The following PRKN variants were observed in gnomAD, a reference collection of about 807,000 sequenced individuals.
The protein encoded by PRKN is parkin RBR E3 ubiquitin protein ligase.
A neutral mutation model predicts 59.5 loss-of-function variants in PRKN; 56 were observed. That is an observed-to-expected ratio of 0.94 (90% CI 0.76 to 1.18). The LOEUF (loss-of-function observed/expected upper bound fraction) is 1.18. Ranked by LOEUF, PRKN falls within the 50% of genes most tolerant of loss-of-function variation. The pLI is 0.00. For synonymous variants in PRKN, 250 were observed against 222.1 expected, an observed-to-expected ratio of 1.13 and a Z score of -1.12; for missense variants, 657 against 596.4, an observed-to-expected ratio of 1.10 and a Z score of -1.06.
At chr6:161,672,630 G>T (rs1784950963) in intron 7 of PRKN, among the ~76,000 whole-genome samples, 1 of 152,066 alleles carries the variant, frequency 6.6e-6, no homozygotes, top group African/African-American at 2.4e-5. Flanking sequence ...ACAAAAATTA[G>T]CTGGGTGTGG....
At chr6:162,650,833 T>C (rs1291112702) in intron 1 of PRKN, among the ~76,000 whole-genome samples, 2 of 152,074 alleles carry the variant, frequency 1.3e-5, no homozygotes, top group Non-Finnish European at 2.9e-5. Flanking sequence ...GTGAAGATGA[T>C]CTATTAATTC....
At chr6:161,955,391 T>C (rs578093932) in intron 6 of PRKN, among the ~76,000 whole-genome samples, 16 of 152,190 alleles carry the variant, frequency 1.1e-4, no homozygotes, top group Non-Finnish European at 2.4e-4. Context: ...GATTCTTGCC[T>C]CATGTCATAT....
At chr6:161,528,897 A>G (rs942341471) in intron 9 of PRKN, among the ~76,000 whole-genome samples, 1 of 152,196 alleles carries the variant, frequency 6.6e-6, no homozygotes, top group African/African-American at 2.4e-5. Flanking sequence ...CCAAATAAAT[A>G]AGGCCTTCTC....
chr6:162,253,811 G>A (rs1779533337), intron 3 of PRKN, among the ~76,000 whole-genome samples: 1 of 140,626 alleles, frequency 7.1e-6, no homozygotes, highest in African/African-American at 2.8e-5. Flanking sequence ...CAAAGAGTCT[G>A]GCTGGCTATT....
chr6:162,426,567 C>A (rs1789247630), intron 2 of PRKN, among the ~76,000 whole-genome samples: 1 of 152,208 alleles, frequency 6.6e-6, no homozygotes, highest in African/African-American at 2.4e-5. Context: ...CCTCCCACCT[C>A]ATCCCCAAGT....
intron 5 of PRKN, among the ~76,000 whole-genome samples, chr6:161,998,585 T>C (rs1415340792): frequency 6.6e-6 from 1 of 152,140 alleles, no homozygotes; most frequent in Non-Finnish European, 1.5e-5. Context: ...TCTACTCTGG[T>C]AGCAGGTAGC....
chr6:162,322,535 G>A (rs1783075317), intron 2 of PRKN, among the ~76,000 whole-genome samples: 1 of 151,992 alleles, frequency 6.6e-6, no homozygotes, highest in South Asian at 2.1e-4. Context: ...CTGACTTCGG[G>A]TCTCATTGTA....
At chr6:161,688,629 C>T (rs142827754) in intron 7 of PRKN, among the ~76,000 whole-genome samples, 138 of 152,160 alleles carry the variant, frequency 9.1e-4, no homozygotes, top group African/African-American at 3.2e-3. Context: ...AGTATAGCGG[C>T]GCAAATACAA....
At chr6:161,650,968 T>C (rs1784129623) in intron 7 of PRKN, among the ~76,000 whole-genome samples, 4 of 152,246 alleles carry the variant, frequency 2.6e-5, no homozygotes, top group Admixed American at 1.3e-4. Context: ...TGTTACATAA[T>C]ACGTTTATTA....
rs531197270 is a variant in PRKN at position 161,638,369 on chromosome 6, A to T, written c.872-68953T>A. ...AGGGTAGTCTCGAACTCCTCAGCTC[A>T]GGCAATCTTCCTGCCTCGGCGTCCC... On this transcript the variant is annotated intron_variant, in intron 7 of 11. Transcript: ENST00000366898. Among the ~76,000 whole-genome samples, 3 of 152,300 alleles carry T rather than the reference A, an allele frequency of 2.0e-5. No homozygotes were observed. In the South Asian group the frequency reaches 6.2e-4, roughly 32 times the overall value.
At position 161,562,688 on chromosome 6, in the gene PRKN, C is replaced by T. The variant is rs1430568798; in HGVS notation, c.933+6667G>A. Among the ~76,000 whole-genome samples the T allele has an allele frequency of 6.6e-6, 1 of 152,140 alleles. No homozygotes were observed. The highest frequency in any genetic ancestry group is 2.4e-5 in the African/African-American group (1 of 41,448). On this transcript the variant is annotated intron_variant, in intron 8 of 11. Transcript: ENST00000366898. The surrounding 1 kb of genome is among the most constrained non-coding windows in gnomAD (Gnocchi z 4.3). ...CTCTGATCTCACCTGCCCCATTTTG[C>T]TCATCTCAGTCAAATAGAACTTTCA...
At chr6:162,645,232 T>C (rs1288429050) in intron 1 of PRKN, among the ~76,000 whole-genome samples, 1 of 152,162 alleles carries the variant, frequency 6.6e-6, no homozygotes, top group African/African-American at 2.4e-5. Flanking sequence ...CATGATTCTT[T>C]ACAGGAAATT....
At chr6:162,349,998 A>G (rs1334618489) in intron 2 of PRKN, among the ~76,000 whole-genome samples, 1 of 152,218 alleles carries the variant, frequency 6.6e-6, no homozygotes, top group Non-Finnish European at 1.5e-5. Context: ...GAGTTTAGCC[A>G]AGTTGGAAGA....
chr6:162,622,345 G>A (rs1181006456), intron 1 of PRKN, among the ~76,000 whole-genome samples: 1 of 148,910 alleles, frequency 6.7e-6, no homozygotes, highest in Admixed American at 6.8e-5. Context: ...CTGCTCCCCA[G>A]GCGAATTTTT....
rs74820509 is a variant in PRKN at position 161,639,953 on chromosome 6, A to C, written c.872-70537T>G. Among the ~76,000 whole-genome samples, 1,316 of 152,236 alleles carry C rather than the reference A, an allele frequency of 8.6e-3. 9 individuals are homozygous for C. Among genetic ancestry groups the C allele is most frequent in the Middle Eastern group, 0.034 (10 of 294 alleles). ...TGCTTCTAGTAAAATTCTTTCCCAG[A>C]TGACTAGGGGCTCCAGAGAGATTTC... On this transcript the variant is annotated intron_variant, in intron 7 of 11. Coordinates refer to ENST00000366898, the MANE Select transcript of PRKN (RefSeq NM_004562.3).
In PRKN at chr6:161,533,997, C is replaced by G. The variant is rs1554272977; in HGVS notation, c.1083+14857G>C. On this transcript the variant is annotated intron_variant, in intron 9 of 11. Transcript: ENST00000366898. This position sits in a 1 kb window ranked among gnomAD's most constrained non-coding sequence, Gnocchi z 4.1. ...TCAGTGAACCCCCTTTCCACCTGTC[C>G]TCCTCGCCCTCACACTAGATTACTT... is the stretch of plus-strand genomic sequence containing the variant. Among the ~76,000 whole-genome samples, 1 of 152,046 alleles carries G rather than the reference C, an allele frequency of 6.6e-6. No individual in the cohort carries two copies. The highest frequency in any genetic ancestry group is 1.5e-5 in the Non-Finnish European group (1 of 68,004).
chr6:162,391,358 G>A (rs1385206180), intron 2 of PRKN, among the ~76,000 whole-genome samples: 1 of 151,050 alleles, frequency 6.6e-6, no homozygotes, highest in African/African-American at 2.4e-5. Context: ...ACTTCCTCCT[G>A]GAAGATAATT....
At chr6:162,031,105 G>A (rs1783619982) in intron 5 of PRKN, among the ~76,000 whole-genome samples, 1 of 152,130 alleles carries the variant, frequency 6.6e-6, no homozygotes. Context: ...TTTTGATAAT[G>A]GAAAATAAAC....
intron 1 of PRKN, among the ~76,000 whole-genome samples, chr6:162,682,325 C>A (rs1249921037): frequency 6.6e-6 from 1 of 151,878 alleles, no homozygotes; most frequent in African/African-American, 2.4e-5. Flanking sequence ...ATCGTAGCAC[C>A]CTTCACAATA....
Sources: gnomAD v4.1 joint callset for allele counts (sites outside exome capture counted in the v4.1 genomes callset) on GRCh38, gnomAD v4.1.1 for gene constraint, Gnocchi (gnomAD v3.1) non-coding constraint, MANE v1.5 for transcripts, NCBI Gene and HGNC (gene_info 2026-07-23, HGNC 2026-07-21) for gene names.